LIMCH1: variants seen among roughly 807,000 people sequenced by gnomAD.
LIMCH1 encodes LIM and calponin homology domains 1.
LIMCH1 carries 113 observed loss-of-function variants against 176.5 expected under a neutral mutation model. The ratio of observed to expected loss-of-function variants is 0.64; its 90% CI spans 0.55 to 0.75. LIMCH1 has a LOEUF of 0.75. Ranked by LOEUF, LIMCH1 falls within the 30% of genes least tolerant of loss-of-function variation. The pLI is 0.00. For synonymous variants in LIMCH1, 619 were observed against 645.9 expected (o/e 0.96, Z 0.63); for missense variants, 1,674 against 1,814.9 (o/e 0.92, Z 1.41).
chr4:41,408,281 C>T (rs1003571907), intron 1 of LIMCH1, among the ~76,000 whole-genome samples: 3 of 152,134 alleles, frequency 2.0e-5, no homozygotes, highest in African/African-American at 7.2e-5. Flanking sequence ...CAGGATTCAC[C>T]TAAGGAGCAT....
chr4:41,601,736 AAGG>A (rs1418870585), intron 2 of LIMCH1, among the ~76,000 whole-genome samples: 1 of 152,190 alleles, frequency 6.6e-6, no homozygotes, highest in Non-Finnish European at 1.5e-5. Context: ...TGGTTTTAGT[AAGG>A]AGTAGAGTAT....
At chr4:41,535,879 C>G (rs2077874176), upstream of LIMCH1, among the ~76,000 whole-genome samples, 1 of 152,056 alleles carries the variant, frequency 6.6e-6, no homozygotes, top group African/African-American at 2.4e-5. Context: ...TTTTCCCCAA[C>G]TTCATTTTTT....
At chr4:41,532,579 A>C (rs921705226) in intron 3 of LIMCH1, among the ~76,000 whole-genome samples, 5 of 152,248 alleles carry the variant, frequency 3.3e-5, no homozygotes, top group African/African-American at 1.2e-4. Context: ...AAAGTGTGTC[A>C]GATGGCAAGA....
chr4:41,590,261 T>C lies in LIMCH1; in HGVS notation c.-240-8659T>C, dbSNP rs112137709. Among the ~76,000 whole-genome samples the C allele has an allele frequency of 4.0e-3, 612 of 152,156 alleles. 8 individuals are homozygous for C. The highest frequency in any genetic ancestry group is 0.014 in the African/African-American group (589 of 41,494). ...TGCGCACCACCAGGCCCATCTAATTTTTTTATTTTTGTAGAGATAAGGTTT... is the reference window on the plus strand; with the variant it reads ...TGCGCACCACCAGGCCCATCTAATTCTTTTATTTTTGTAGAGATAAGGTTT... On this transcript the variant is annotated intron_variant, in intron 1 of 31. Transcript: ENST00000503057.
intron 1 of LIMCH1, among the ~76,000 whole-genome samples, chr4:41,597,001 C>T (rs1048521365): frequency 6.6e-6 from 1 of 152,150 alleles, no homozygotes; most frequent in African/African-American, 2.4e-5. Flanking sequence ...TTTAGTACTT[C>T]CTTCACACCG....
chr4:41,532,602 T>C (rs1042148294), intron 3 of LIMCH1, among the ~76,000 whole-genome samples: 7 of 152,194 alleles, frequency 4.6e-5, no homozygotes, highest in Non-Finnish European at 1.0e-4. Context: ...CATTCTCCAC[T>C]GTAGGTTGGA....
chr4:41,465,571 C>T (rs543732743), intron 1 of LIMCH1, among the ~76,000 whole-genome samples: 36 of 152,304 alleles, frequency 2.4e-4, no homozygotes, highest in South Asian at 6.2e-4. Context: ...GTATGCAGCA[C>T]GGGTTACAGC....
At chr4:41,392,088 C>T (rs1376811265) in intron 1 of LIMCH1, among the ~76,000 whole-genome samples, 1 of 152,114 alleles carries the variant, frequency 6.6e-6, no homozygotes, top group East Asian at 1.9e-4. Context: ...ATTAACATGT[C>T]AGGTTTTCTT....
intron 4 of LIMCH1, chr4:41,613,228 G>A: frequency 1.1e-6 from 1 of 915,102 alleles, no homozygotes; most frequent in South Asian, 1.6e-5. Flanking sequence ...TGAGTTATTT[G>A]GGGATTTTTT....
Position 41,629,531 on chromosome 4 carries a change from C to T in LIMCH1, c.1068C>T (p.Thr356=), listed in dbSNP as rs1485082838. The change falls in exon 9 of 32, where the codon ACC becomes ACT. Residue 356 remains threonine, a synonymous_variant. Coordinates refer to ENST00000503057, the MANE Select transcript of LIMCH1 (RefSeq NM_001330672.2). ...CAGAAGAGGTGAAGTTGATAGTGAC[C>T]TGTAACATGAGGGCTCAGGAAAGTG... ...GHTEEVKLIV[T]CNMRAQESEP... 5 of 1,535,896 alleles carry T rather than the reference C, an allele frequency of 3.3e-6. No individual in the cohort carries two copies. In the African/African-American group the frequency reaches 6.9e-5, roughly 21 times the overall value.
intron 1 of LIMCH1, among the ~76,000 whole-genome samples, chr4:41,582,958 A>C (rs1220270079): frequency 6.6e-6 from 1 of 152,166 alleles, no homozygotes; most frequent in African/African-American, 2.4e-5. Context: ...AAATATACAT[A>C]ACAAACTTTA....
chr4:41,429,157 T>G (rs574442900), intron 1 of LIMCH1, among the ~76,000 whole-genome samples: 1 of 152,324 alleles, frequency 6.6e-6, no homozygotes, highest in African/African-American at 2.4e-5. Context: ...ATAGCAGATT[T>G]TTGATATTAC....
chr4:41,623,691 G>A (rs1397929397), intron 7 of LIMCH1, among the ~76,000 whole-genome samples: 1 of 152,152 alleles, frequency 6.6e-6, no homozygotes, highest in African/African-American at 2.4e-5. Context: ...AACCCGGGAG[G>A]CAGAGGTTGC....
In LIMCH1 at chr4:41,449,370, C is replaced by G. The variant is rs939474498; in HGVS notation, c.97-45166C>G. ...AGGTTTACCTCTTCTGCTAGTTTTC[C>G]TTACTCTCTGAAGCCCAGCTAGATG... On this transcript the variant is annotated intron_variant, in intron 1 of 26. Transcript: ENST00000313860. 2.0e-5 allele frequency among the ~76,000 whole-genome samples: 3 copies of G among 152,280 alleles called. No individual in the cohort carries two copies. The East Asian group carries it at 5.8e-4, about 29-fold the overall frequency.
chr4:41,362,588 C>T (rs1210900473), intron 1 of LIMCH1, among the ~76,000 whole-genome samples: 1 of 152,194 alleles, frequency 6.6e-6, no homozygotes, highest in East Asian at 1.9e-4. Context: ...GATTTATTCT[C>T]AATTTCCTTA....
At chr4:41,577,924 A>G (rs2084766894) in intron 1 of LIMCH1, among the ~76,000 whole-genome samples, 1 of 152,152 alleles carries the variant, frequency 6.6e-6, no homozygotes. Flanking sequence ...ATGTTGTTCC[A>G]GTTTTTCATT....
chr4:41,563,098 T>C (rs1269754942), intron 1 of LIMCH1, among the ~76,000 whole-genome samples: 4 of 152,184 alleles, frequency 2.6e-5, no homozygotes, highest in Admixed American at 6.5e-5. Context: ...TCTTCTGTTA[T>C]TAATAGTTGA....
At chr4:41,575,046 A>C (rs184410039) in intron 1 of LIMCH1, among the ~76,000 whole-genome samples, 4 of 151,574 alleles carry the variant, frequency 2.6e-5, no homozygotes, top group South Asian at 2.1e-4. Flanking sequence ...TCACACACCC[A>C]CACACACACA....
chr4:41,424,093 T>C (rs1387749482), intron 1 of LIMCH1, among the ~76,000 whole-genome samples: 1 of 152,136 alleles, frequency 6.6e-6, no homozygotes, highest in Non-Finnish European at 1.5e-5. Flanking sequence ...ATTAAACTTT[T>C]TATTTTCTTT....
Sources: gnomAD v4.1 joint callset for allele counts (sites outside exome capture counted in the v4.1 genomes callset) on GRCh38, gnomAD v4.1.1 for gene constraint, MANE v1.5 for transcripts, NCBI Gene and HGNC (gene_info 2026-07-23, HGNC 2026-07-21) for gene names.